Variants in FAF1 observed in about 807,000 individuals in gnomAD.
FAF1 encodes the protein FAS-associated factor 1.
In FAF1, 25 loss-of-function variants were observed where a neutral mutation model predicts 92.5. The ratio of observed to expected loss-of-function variants is 0.27; its 90% CI spans 0.20 to 0.38. The LOEUF (loss-of-function observed/expected upper bound fraction) is 0.38, where lower values mean the gene tolerates loss of function less well. Ranked by LOEUF, FAF1 falls within the 10% of genes least tolerant of loss-of-function variation. FAF1 has a pLI of 1.00. For missense variants in FAF1, 636 were observed against 793.3 expected, an observed-to-expected ratio of 0.80 and a Z score of 2.38; for synonymous variants, 234 against 273.2, an observed-to-expected ratio of 0.86 and a Z score of 1.42.
intron 13 of FAF1, among the ~76,000 whole-genome samples, chr1:50,551,420 TTAATGA>T (rs1649305462): frequency 6.6e-6 from 1 of 152,140 alleles, no homozygotes; most frequent in African/African-American, 2.4e-5. Context: ...AAAGCTAAAA[TTAATGA>T]TAATGAAGTA....
intron 8 of FAF1, among the ~76,000 whole-genome samples, chr1:50,629,445 A>G (rs1653661380): frequency 1.3e-5 from 2 of 152,160 alleles, no homozygotes; most frequent in African/African-American, 4.8e-5. Context: ...CTGAGATTAC[A>G]GGTGTGAGCC....
intron 1 of FAF1, among the ~76,000 whole-genome samples, chr1:50,955,062 T>C (rs914676544): frequency 4.6e-5 from 7 of 152,330 alleles, no homozygotes; most frequent in African/African-American, 7.2e-5. Context: ...ACTGATATTA[T>C]TGAAATTATT....
chr1:50,630,543 T>C (rs1177291535), intron 8 of FAF1, among the ~76,000 whole-genome samples: 1 of 152,178 alleles, frequency 6.6e-6, no homozygotes, highest in Admixed American at 6.5e-5. Flanking sequence ...CCCCCTATTC[T>C]ATAGGTTGCA....
chr1:50,903,143 AG>A (rs1644809571), intron 1 of FAF1, among the ~76,000 whole-genome samples: 1 of 152,180 alleles, frequency 6.6e-6, no homozygotes, highest in African/African-American at 2.4e-5. Context: ...TGCACAACAC[AG>A]ATACCTGTTC....
chr1:50,544,305 C>T (rs1648900364), intron 13 of FAF1, among the ~76,000 whole-genome samples: 1 of 152,096 alleles, frequency 6.6e-6, no homozygotes, highest in South Asian at 2.1e-4. Flanking sequence ...TGATCCTAAA[C>T]CTTTAGTGGC....
chr1:50,796,703 C>G (rs1219565517), intron 3 of FAF1, among the ~76,000 whole-genome samples: 1 of 152,156 alleles, frequency 6.6e-6, no homozygotes, highest in Non-Finnish European at 1.5e-5. Context: ...AGGAACCACC[C>G]ATACCTGGAC....
intron 8 of FAF1, among the ~76,000 whole-genome samples, chr1:50,646,204 A>G (rs1382420630): frequency 6.6e-6 from 1 of 152,122 alleles, no homozygotes; most frequent in African/African-American, 2.4e-5. Flanking sequence ...GGTTTGCTCA[A>G]TTGCATTCTC....
At chr1:50,747,333 G>C (rs1659672001) in intron 4 of FAF1, among the ~76,000 whole-genome samples, 1 of 152,218 alleles carries the variant, frequency 6.6e-6, no homozygotes. Context: ...CCCACCCCTT[G>C]CATCATTGTA....
chr1:50,939,391 T>G (rs554469615), intron 1 of FAF1, among the ~76,000 whole-genome samples: 202 of 152,374 alleles, frequency 1.3e-3, no homozygotes, highest in African/African-American at 4.7e-3. Context: ...ATAGAAATGC[T>G]ACTGGATTTT....
intron 1 of FAF1, among the ~76,000 whole-genome samples, chr1:50,952,298 C>T (rs1406958580): frequency 4.6e-5 from 7 of 152,226 alleles, no homozygotes; most frequent in Non-Finnish European, 8.8e-5. Flanking sequence ...TTGGTGGAGA[C>T]GGGTTTTCGC....
intron 18 of FAF1, chr1:50,451,806 G>A: frequency 1.0e-6 from 1 of 988,086 alleles, no homozygotes; most frequent in South Asian, 4.6e-5. Flanking sequence ...AGTTTATTCA[G>A]CATTCATGGC....
At chr1:50,941,278 C>A (rs1464582495) in intron 1 of FAF1, among the ~76,000 whole-genome samples, 2 of 152,148 alleles carry the variant, frequency 1.3e-5, no homozygotes, top group African/African-American at 4.8e-5. Context: ...GGTGTGATCT[C>A]AGCTGACTGC....
intron 8 of FAF1, among the ~76,000 whole-genome samples, chr1:50,634,337 T>C (rs1296662560): frequency 6.6e-6 from 1 of 152,232 alleles, no homozygotes; most frequent in African/African-American, 2.4e-5. Flanking sequence ...TAATTGATTA[T>C]GTTTAAAACC....
intron 1 of FAF1, among the ~76,000 whole-genome samples, chr1:50,889,174 G>A (rs549125229): frequency 2.6e-5 from 4 of 152,304 alleles, no homozygotes; most frequent in African/African-American, 9.6e-5. Flanking sequence ...AGTATTCTCT[G>A]ATGGTAGTTT....
chr1:50,881,760 T>C (rs1321909797), intron 1 of FAF1, among the ~76,000 whole-genome samples: 1 of 152,234 alleles, frequency 6.6e-6, no homozygotes, highest in Non-Finnish European at 1.5e-5. Context: ...AACACTTGAA[T>C]CTTATTTCAT....
In FAF1 at chr1:50,541,549, A is replaced by AGGTTGCCTTGAC. The variant is rs1456983961; in HGVS notation, c.1269-1822_1269-1821insGTCAAGGCAACC. On this transcript the variant is annotated intron_variant, in intron 13 of 18. Coordinates refer to ENST00000396153, the MANE Select transcript of FAF1 (RefSeq NM_007051.3). ...TTGAGTCAGTCTTGACTCTGGCCTG[A>AGGTTGCCTTGAC]TCATTGGCAACCTCAAAAACAAAAG... Among the ~76,000 whole-genome samples the AGGTTGCCTTGAC allele has an allele frequency of 5.1e-4, 78 of 152,248 alleles. 2 individuals carry two copies. Among genetic ancestry groups the AGGTTGCCTTGAC allele is most frequent in the African/African-American group, 1.8e-3 (74 of 41,562 alleles).
At chr1:50,928,168 C>A (rs971683211) in intron 1 of FAF1, among the ~76,000 whole-genome samples, 6 of 151,898 alleles carry the variant, frequency 4.0e-5, no homozygotes, top group African/African-American at 1.5e-4. Flanking sequence ...CTATGGTGCA[C>A]TTTTACTGCA....
At chr1:50,779,991 G>GACAGACACACACACACACAC (rs369288416) in intron 4 of FAF1, among the ~76,000 whole-genome samples, 4,691 of 145,304 alleles carry the variant, frequency 0.032, 90 homozygotes, top group Non-Finnish European at 0.049. Context: ...CAGACAGACA[G>GACAGACACACACACACACAC]ACACACACAC....
chr1:50,467,071 G>A (rs533172816), intron 18 of FAF1, among the ~76,000 whole-genome samples: 2 of 152,284 alleles, frequency 1.3e-5, no homozygotes, highest in African/African-American at 2.4e-5. Flanking sequence ...ACTGCAGTAT[G>A]AGGACTGTTT....
Sources: gnomAD v4.1 joint callset for allele counts (sites outside exome capture counted in the v4.1 genomes callset) on GRCh38, gnomAD v4.1.1 for gene constraint, MANE v1.5 for transcripts, NCBI Gene and HGNC (gene_info 2026-07-23, HGNC 2026-07-21) for gene names.